The following DENND2B variants were observed in gnomAD, a reference collection of about 807,000 sequenced individuals.
DENND2B encodes DENN domain-containing protein 2B.
A neutral mutation model predicts 116.0 loss-of-function variants in DENND2B; 32 were observed. The ratio of observed to expected loss-of-function variants is 0.28; its 90% CI spans 0.21 to 0.37. The LOEUF is 0.37. DENND2B is among the 10% of genes least tolerant of loss of function. DENND2B has a pLI of 1.00. For missense variants in DENND2B, 1,276 were observed against 1,477.7 expected (o/e 0.86, Z 2.24); for synonymous variants, 588 against 583.9 (o/e 1.01, Z -0.10).
intron 14 of DENND2B, among the ~76,000 whole-genome samples, chr11:8,700,552 G>A (rs2041369287): frequency 6.6e-6 from 1 of 152,174 alleles, no homozygotes; most frequent in Non-Finnish European, 1.5e-5. Flanking sequence ...ACATACGGAA[G>A]GAAATACCCC....
intron 13 of DENND2B, among the ~76,000 whole-genome samples, chr11:8,705,190 C>G (rs2042387482): frequency 6.6e-6 from 1 of 152,174 alleles, no homozygotes; most frequent in Non-Finnish European, 1.5e-5. Flanking sequence ...CCATTCCCAC[C>G]AGCATACAAA....
chr11:8,757,035 G>C (rs1283644611), intron 1 of DENND2B: 6 of 456,152 alleles, frequency 1.3e-5, no homozygotes, highest in Non-Finnish European at 2.2e-5. Context: ...GAAAGGAATA[G>C]AATAAGGTAC....
rs1162029899 is a variant in DENND2B, at chr11:8,731,131, TGAG to T, written c.156_158del (p.Ser53del). On this transcript the variant is annotated inframe_deletion, in exon 3 of 20. Coordinates refer to ENST00000313726, the MANE Select transcript of DENND2B (RefSeq NM_213618.2). The stretch of plus-strand genomic sequence containing the variant: ...TGGAGTGGCTGGGGTACCTGCAGGC[TGAG>T]GTTTCACTATCACTGAGCGGGTAGA... 6.3e-7 allele frequency: 1 copy of T among 1,590,568 alleles called. No homozygotes were observed. Among genetic ancestry groups the T allele is most frequent in the East Asian group, 2.2e-5 (1 of 44,692 alleles).
chr11:8,717,717 A>G, intron 5 of DENND2B, 24 bp downstream of exon 5: 1 of 1,526,212 alleles, frequency 6.6e-7, no homozygotes, highest in Non-Finnish European at 8.8e-7. Context: ...CTAACCCTAC[A>G]GGCCGATGTC....
At chr11:8,880,383 G>GTGT (rs1327960965) in intron 2 of DENND2B, among the ~76,000 whole-genome samples, 1 of 146,506 alleles carries the variant, frequency 6.8e-6, no homozygotes, top group African/African-American at 2.5e-5. Flanking sequence ...GTGTGTGTGT[G>GTGT]TAGTTTTTAC....
intron 1 of DENND2B, among the ~76,000 whole-genome samples, chr11:8,789,727 T>C (rs766160624): frequency 3.3e-5 from 5 of 151,748 alleles, no homozygotes; most frequent in South Asian, 2.1e-4. Flanking sequence ...AAGAAGTGTC[T>C]AAAACTGAAC....
At chr11:8,774,006 T>C (rs574293634) in intron 1 of DENND2B, 2 of 585,616 alleles carry the variant, frequency 3.4e-6, no homozygotes, top group South Asian at 1.5e-4. Context: ...AAGCTTTGGA[T>C]GTGTTGCCTA....
chr11:8,724,743 G>T (rs780256443), intron 4 of DENND2B, among the ~76,000 whole-genome samples: 1 of 152,172 alleles, frequency 6.6e-6, no homozygotes, highest in South Asian at 2.1e-4. Context: ...ATTTTAAAGG[G>T]TATTTATACA....
rs987870520 is a variant in DENND2B, at chr11:8,887,335, T to C, written c.-255-6226A>G. 2.6e-5 allele frequency among the ~76,000 whole-genome samples: 4 copies of C among 152,340 alleles called. No individual in the cohort carries two copies. The South Asian group carries it at 8.3e-4, about 32-fold the overall frequency. ...TAAACAATTTGGTTGTAGTCAAAGA[T>C]TAAGTTAGTCAGAGAACCAGGTTTA... On this transcript the variant is annotated intron_variant, in intron 1 of 22. Coordinates refer to the DENND2B transcript ENST00000534127.
At chr11:8,832,312 C>T (rs2062239843) in intron 4 of DENND2B, among the ~76,000 whole-genome samples, 1 of 152,132 alleles carries the variant, frequency 6.6e-6, no homozygotes, top group South Asian at 2.1e-4. Flanking sequence ...ATTAGCTGGG[C>T]ATGGTGGTGC....
At chr11:8,859,490 A>G (rs2063321741) in intron 2 of DENND2B, among the ~76,000 whole-genome samples, 1 of 151,768 alleles carries the variant, frequency 6.6e-6, no homozygotes, top group Admixed American at 6.6e-5. Flanking sequence ...TGTATTTTTT[A>G]GTAGAGACGG....
At chr11:8,764,515 C>T (rs948372067) in intron 1 of DENND2B, among the ~76,000 whole-genome samples, 3 of 152,150 alleles carry the variant, frequency 2.0e-5, no homozygotes, top group Non-Finnish European at 4.4e-5. Context: ...ATTTGCCTAG[C>T]GTTTCATAAG....
At chr11:8,711,464 T>C (rs2043664806) in intron 9 of DENND2B, among the ~76,000 whole-genome samples, 1 of 152,122 alleles carries the variant, frequency 6.6e-6, no homozygotes, top group Non-Finnish European at 1.5e-5. Flanking sequence ...GCGCCAGGGC[T>C]CTTGGCTCTC....
At chr11:8,697,771 C>A (rs773745074) in intron 16 of DENND2B, 135 bp from the exon 17 acceptor site, 2 of 663,334 alleles carry the variant, frequency 3.0e-6, no homozygotes, top group Non-Finnish European at 5.4e-6. Flanking sequence ...TCATCAACCT[C>A]ATTTTAAGAT....
intron 1 of DENND2B, among the ~76,000 whole-genome samples, chr11:8,760,534 C>T (rs1214750499): frequency 6.6e-6 from 1 of 152,112 alleles, no homozygotes; most frequent in Non-Finnish European, 1.5e-5. Flanking sequence ...GGGAGGATCA[C>T]TTGAGCCCAG....
rs1449476332 is a variant in DENND2B, at chr11:8,715,809, T to C, written c.1639A>G (p.Lys547Glu). The C allele has an allele frequency of 1.2e-6, 2 of 1,600,080 alleles. No individual in the cohort carries two copies. The highest frequency in any genetic ancestry group is 4.5e-5 in the East Asian group (2 of 44,512). Residue 547 changes from lysine (K) to glutamate (E), a missense_variant, in exon 6 of 20, where the codon AAA becomes GAA. Physicochemically the swap from Lys to Glu is moderately conservative, Grantham distance 56. This residue lies in a region of DENND2B where 856 missense variants were observed against 846.6 expected (regional missense o/e 1.01). Coordinates refer to ENST00000313726, the MANE Select transcript of DENND2B (RefSeq NM_213618.2). ...YNSPPTQLSL[K>E]PNSQSLRSGN... ...CTGCGCAGGGACTGGCTGTTGGGTT[T>C]CAGGGAAAGCTGGCGTGGGGGAGAG...
chr11:8,877,987 C>T (rs1484884969), intron 2 of DENND2B, among the ~76,000 whole-genome samples: 1 of 152,110 alleles, frequency 6.6e-6, no homozygotes, highest in Non-Finnish European at 1.5e-5. Flanking sequence ...TGGGAATTTG[C>T]AGAACTAGTA....
chr11:8,903,825 G>A (rs2134764712), intron 1 of DENND2B, among the ~76,000 whole-genome samples: 1 of 149,670 alleles, frequency 6.7e-6, no homozygotes, highest in East Asian at 2.0e-4. Flanking sequence ...GGGAGTTGAG[G>A]CTGTAGTGAG....
chr11:8,870,678 C>G (rs2063751631), intron 2 of DENND2B, among the ~76,000 whole-genome samples: 1 of 152,062 alleles, frequency 6.6e-6, no homozygotes, highest in African/African-American at 2.4e-5. Flanking sequence ...CCAGGCAGCT[C>G]TTCACCGCCG....
Sources: allele counts gnomAD v4.1 joint callset (sites outside exome capture counted in the v4.1 genomes callset), GRCh38; gene constraint gnomAD v4.1.1; regional missense constraint gnomAD v4.1.1; transcripts MANE v1.5; gene names NCBI Gene and HGNC (gene_info 2026-07-23, HGNC 2026-07-21).